The following PCDHA6 variants were observed in gnomAD, a reference collection of about 807,000 sequenced individuals.
PCDHA6 encodes protocadherin alpha-6.
PCDHA6 carries 55 observed loss-of-function variants against 60.3 expected under a neutral mutation model. The ratio of observed to expected loss-of-function variants is 0.91; its 90% CI spans 0.73 to 1.14. The LOEUF is 1.14. Ranked by LOEUF, PCDHA6 falls within the 50% of genes most tolerant of loss-of-function variation. PCDHA6 has a pLI of 0.00. For missense variants in PCDHA6, 1,327 were observed against 1,256.5 expected (o/e 1.06, Z -0.85); for synonymous variants, 652 against 557.9 (o/e 1.17, Z -2.38).
chr5:140,986,345 C>T (rs1442253492), intron 3 of PCDHA6, among the ~76,000 whole-genome samples: 2 of 152,172 alleles, frequency 1.3e-5, no homozygotes, highest in African/African-American at 4.8e-5. Flanking sequence ...GTTGCAGCCT[C>T]TTCTTCAGAT....
intron 1 of PCDHA6, chr5:140,877,907 T>G (rs2057390973): frequency 2.1e-6 from 3 of 1,433,442 alleles, no homozygotes; most frequent in Non-Finnish European, 2.8e-6. Context: ...TATAACTACA[T>G]TCTCTCATTT....
At chr5:140,892,980 G>A (rs568292110) in intron 1 of PCDHA6, among the ~76,000 whole-genome samples, 4 of 152,030 alleles carry the variant, frequency 2.6e-5, no homozygotes, top group Admixed American at 6.6e-5. Context: ...TGTAGCTGCC[G>A]TATAAGTGAG....
intron 1 of PCDHA6, chr5:140,876,023 C>CA: frequency 1.9e-6 from 3 of 1,612,330 alleles, no homozygotes; most frequent in Non-Finnish European, 2.5e-6. Context: ...AAAATAAAAA[C>CA]AAAAAAAGAT....
chr5:140,917,853 G>A (rs1187603480), intron 1 of PCDHA6, among the ~76,000 whole-genome samples: 1 of 151,906 alleles, frequency 6.6e-6, no homozygotes, highest in African/African-American at 2.4e-5. Flanking sequence ...TTTTTGCTTA[G>A]GATTGCTTTG....
chr5:140,950,952 A>G (rs1554219699), intron 1 of PCDHA6, among the ~76,000 whole-genome samples: 2 of 151,782 alleles, frequency 1.3e-5, no homozygotes, highest in Admixed American at 1.3e-4. Context: ...GATCATTTCT[A>G]TTGATCTATT....
chr5:140,848,500 T>A, intron 1 of PCDHA6: 2 of 1,585,030 alleles, frequency 1.3e-6, no homozygotes, highest in Non-Finnish European at 1.7e-6. Flanking sequence ...TTTGAAATGT[T>A]ATACTCAAGT....
chr5:140,841,421 T>C, intron 1 of PCDHA6: 6 of 1,612,988 alleles, frequency 3.7e-6, no homozygotes, highest in Non-Finnish European at 5.1e-6. Context: ...GCTCCACTAC[T>C]CCGTCCCCGA....
chr5:140,841,061 G>T (rs1479133522), intron 1 of PCDHA6: 1 of 457,826 alleles, frequency 2.2e-6, no homozygotes, highest in Non-Finnish European at 3.8e-6. Flanking sequence ...ATTAAATTAT[G>T]ATAAAGAAAT....
chr5:140,873,739 C>A (rs571863406), intron 1 of PCDHA6, among the ~76,000 whole-genome samples: 1 of 152,294 alleles, frequency 6.6e-6, no homozygotes, highest in African/African-American at 2.4e-5. Flanking sequence ...CAGCTCACTG[C>A]AATCTCCACC....
intron 3 of PCDHA6, among the ~76,000 whole-genome samples, chr5:141,002,755 T>C (rs894161079): frequency 3.3e-5 from 5 of 152,174 alleles, no homozygotes; most frequent in Non-Finnish European, 7.3e-5. Flanking sequence ...GACAACCCTG[T>C]GATGTAGACA....
chr5:140,990,022 G>A (rs891983888), intron 3 of PCDHA6, among the ~76,000 whole-genome samples: 1 of 152,156 alleles, frequency 6.6e-6, no homozygotes, highest in African/African-American at 2.4e-5. Flanking sequence ...GCTAGGCAAA[G>A]GATGGGAGAA....
At chr5:140,877,080 C>T in intron 1 of PCDHA6, 2 of 1,613,062 alleles carry the variant, frequency 1.2e-6, no homozygotes, top group East Asian at 2.2e-5. Context: ...TCCAGGTGAG[C>T]GCGCGCGACG....
chr5:140,870,745 G>T (rs369212308), intron 1 of PCDHA6: 8 of 1,613,530 alleles, frequency 5.0e-6, no homozygotes, highest in Admixed American at 3.3e-5. Flanking sequence ...GAGCAGCAAC[G>T]TGACGCTGCA....
At chr5:140,884,022 T>G (rs2059946002) in intron 1 of PCDHA6, 1 of 1,613,028 alleles carries the variant, frequency 6.2e-7, no homozygotes, top group Non-Finnish European at 8.5e-7. Context: ...CCGCGGTCGG[T>G]GGGTGCAGGC....
Position 140,829,802 on chromosome 5 carries a change from G to A in PCDHA6, c.1711G>A (p.Gly571Ser), listed in dbSNP as rs1554132256. The change falls in exon 1 of 4, where the codon GGT becomes AGT. Residue 571 changes from glycine (G) to serine (S), a missense_variant. Transcript: ENST00000529310. The stretch of plus-strand genomic sequence containing the variant: ...GCCGGCGCTGCTGGCGCCTCGGGTG[G>A]GTGGTACTGGTGGTGCAGTGAGCGA... ...NAPALLAPRV[G>S]GTGGAVSELV... 5.0e-6 allele frequency: 8 copies of A among 1,613,872 alleles called. No homozygotes were observed. Among genetic ancestry groups the A allele is most frequent in the Non-Finnish European group, 5.9e-6 (7 of 1,179,872 alleles).
intron 2 of PCDHA6, among the ~76,000 whole-genome samples, chr5:140,981,515 A>C (rs1554242933): frequency 1.3e-5 from 2 of 152,230 alleles, no homozygotes. Context: ...CAGAGGTTGC[A>C]GTGAGCTGAG....
At chr5:140,862,755 C>A in intron 1 of PCDHA6, 1 of 577,344 alleles carries the variant, frequency 1.7e-6, no homozygotes, top group South Asian at 1.4e-5. Context: ...ACGCGGAGAG[C>A]GGCAAGAGGT....
chr5:140,992,822 T>G (rs560336634), intron 3 of PCDHA6, among the ~76,000 whole-genome samples: 6 of 152,240 alleles, frequency 3.9e-5, no homozygotes, highest in Admixed American at 3.3e-4. Flanking sequence ...GATGTGTTTG[T>G]TTTTTGGGAA....
chr5:140,949,457 T>C (rs1369576515), intron 1 of PCDHA6, among the ~76,000 whole-genome samples: 1 of 151,872 alleles, frequency 6.6e-6, no homozygotes, highest in Non-Finnish European at 1.5e-5. Flanking sequence ...TCATGTAATT[T>C]GAAGCCCTGT....
Sources: gnomAD v4.1 joint callset for allele counts (sites outside exome capture counted in the v4.1 genomes callset) on GRCh38, gnomAD v4.1.1 for gene constraint, MANE v1.5 for transcripts, NCBI Gene and HGNC (gene_info 2026-07-23, HGNC 2026-07-21) for gene names.